Variants in PDGFRB observed in about 807,000 individuals in gnomAD.
PDGFRB encodes platelet derived growth factor receptor beta.
Under a neutral mutation model 120.2 loss-of-function variants are expected in PDGFRB, and 42 were observed. That is an observed-to-expected ratio of 0.35 (90% CI 0.27 to 0.45). The LOEUF (loss-of-function observed/expected upper bound fraction) is 0.45. Ranked by LOEUF, PDGFRB falls within the 20% of genes least tolerant of loss-of-function variation. The pLI is 1.00. For synonymous variants in PDGFRB, 586 were observed against 606.8 expected (o/e 0.97, Z 0.50); for missense variants, 1,149 against 1,476.3 (o/e 0.78, Z 3.63).
chr5:150,133,754 G>T lies in PDGFRB; in HGVS notation c.766C>A (p.Arg256=). 1.2e-6 allele frequency: 2 copies of T among 1,613,988 alleles called. No individual in the cohort carries two copies. Among genetic ancestry groups the T allele is most frequent in the Non-Finnish European group, 8.5e-7 (1 of 1,179,912 alleles). ...AAGTCAGTCACCGGCTCCACCAGCCGCCCACTCTGCAGCAACAGGTTGGGC... is the reference window on the plus strand; with the variant it reads ...AAGTCAGTCACCGGCTCCACCAGCCTCCCACTCTGCAGCAACAGGTTGGGC... ...EWTYPRKESG[R]LVEPVTDFLL... is the part of the protein sequence containing the mutation. The change falls in exon 6 of 23, where the codon CGG becomes AGG. Residue 256 remains arginine, a synonymous_variant. Coordinates refer to ENST00000261799, the MANE Select transcript of PDGFRB (RefSeq NM_002609.4).
Position 150,120,238 on chromosome 5 carries a change from A to G in PDGFRB, c.2587-115T>C, listed in dbSNP as rs1760088871. The G allele has an allele frequency of 3.0e-6, 2 of 664,370 alleles. No individual in the cohort carries two copies. The highest frequency in any genetic ancestry group is 4.3e-5 in the Admixed American group (2 of 47,018). The allele number at this position is 664,370 out of a possible 1,614,324, so 41.2% of individuals were successfully genotyped here. On this transcript the variant is annotated intron_variant, in intron 18 of 22. Coordinates refer to ENST00000261799, the MANE Select transcript of PDGFRB (RefSeq NM_002609.4). This position sits in a 1 kb window ranked among gnomAD's most constrained non-coding sequence, Gnocchi z 4.3. The stretch of plus-strand genomic sequence containing the variant: ...CCACCCACAACCACTTCTCCGTCCC[A>G]TTCCCTGTGAGGGCCCTGGTCTCTG...
chr5:150,119,559 G>T lies in PDGFRB; in HGVS notation c.2706C>A (p.Thr902=), dbSNP rs747925093. 1 of 1,605,352 alleles carries T rather than the reference G, an allele frequency of 6.2e-7. No homozygotes were observed. Among genetic ancestry groups the T allele is most frequent in the Non-Finnish European group, 8.5e-7 (1 of 1,171,944 alleles). ...LLWEIFTLGG[T]PYPELPMNEQ... The stretch of plus-strand genomic sequence containing the variant: ...CGTTCATGGGCAGCTCTGGGTAAGG[G>T]GTGCCACCTGTTGGGGAGCAGAGAC... The change falls in exon 20 of 23, where the codon ACC becomes ACA. Residue 902 remains threonine (T), a synonymous_variant. Coordinates refer to ENST00000261799, the MANE Select transcript of PDGFRB (RefSeq NM_002609.4).
intron 12 of PDGFRB, 50 bp from the exon 13 acceptor site, chr5:150,124,881 GCTCCCCCAGCTGCCCCC>G: frequency 1.2e-6 from 1 of 854,192 alleles, no homozygotes; most frequent in Non-Finnish European, 1.8e-6. Flanking sequence ...AAGCTGCACC[GCTCCCCCAGCTGCCCCC>G]CTCCCCCCAC....
Position 150,147,775 on chromosome 5 carries a change from T to C in PDGFRB, c.-7+7622A>G, listed in dbSNP as rs1232163407. On this transcript the variant is annotated intron_variant, in intron 1 of 22. Coordinates refer to ENST00000261799, the MANE Select transcript of PDGFRB (RefSeq NM_002609.4). ...ACCACCCCTCTGTGCCTCAGTTTTC[T>C]CATCTGTAGATTGGGGCTCATCACT... 2.6e-5 allele frequency among the ~76,000 whole-genome samples: 4 copies of C among 152,290 alleles called. No individual in the cohort carries two copies. In the East Asian group the frequency reaches 7.7e-4, roughly 29 times the overall value.
Position 150,129,874 on chromosome 5 carries a change from C to T in PDGFRB, c.1462G>A (p.Glu488Lys), listed in dbSNP as rs760629984. 1 of 1,614,160 alleles carries T rather than the reference C, an allele frequency of 6.2e-7. No individual in the cohort carries two copies. The highest frequency in any genetic ancestry group is 8.5e-7 in the Non-Finnish European group (1 of 1,179,976). Residue 488 changes from glutamate to lysine, a missense_variant, in exon 10 of 23, where the codon GAG (glutamate) becomes AAG (lysine). Around this residue, in one of 3 missense-constraint regions of PDGFRB, gnomAD observed 879 missense variants for 1,108.6 expected, o/e 0.79. Transcript: ENST00000261799. ...TNVTYWEEEQ[E>K]FEVVSTLRLQ... ...CGCAGTGTGCTCACCACCTCAAACT[C>T]CTGCTCCTCCTCCCAGTACGTCACG...
In PDGFRB at chr5:150,122,952, C is replaced by T. The variant is rs906944807; in HGVS notation, c.2183+90G>A. On this transcript the variant is annotated intron_variant, in intron 15 of 22. Coordinates refer to ENST00000261799, the MANE Select transcript of PDGFRB (RefSeq NM_002609.4). ...GATTCTGTCCCCTGCCCTGTCACAG[C>T]CTCAGCTTCCCCTCCTGGACAAAAG... 16 of 1,185,240 alleles carry T rather than the reference C, an allele frequency of 1.3e-5. No homozygotes were observed. In the East Asian group the frequency reaches 3.7e-4, roughly 28 times the overall value. The allele number at this position is 1,185,240 out of a possible 1,614,324, so 73.4% of individuals were successfully genotyped here. A position where few individuals can be genotyped will look rare whatever the true frequency, so the allele number is the denominator to read the frequency against.
chr5:150,142,404 G>A (rs1292091373), intron 1 of PDGFRB, among the ~76,000 whole-genome samples: 1 of 152,312 alleles, frequency 6.6e-6, no homozygotes. Flanking sequence ...TTCTCTGCAC[G>A]AGCCCAGCCA....
intron 1 of PDGFRB, among the ~76,000 whole-genome samples, chr5:150,150,506 T>C (rs565741221): frequency 6.6e-6 from 1 of 151,744 alleles, no homozygotes; most frequent in South Asian, 2.1e-4. Context: ...CTGATCTGAA[T>C]TGAGGAGAGG....
Position 150,131,278 on chromosome 5 carries a change from A to C in PDGFRB, c.1244-616T>G, listed in dbSNP as rs373519799. ...TATCCCCGTTCTGACTTCATCTCCC[A>C]CCACTCTCCCCAACAGCCCTGTTCC... On this transcript the variant is annotated intron_variant, in intron 8 of 22. Coordinates refer to ENST00000261799, the MANE Select transcript of PDGFRB (RefSeq NM_002609.4). Among the ~76,000 whole-genome samples, 5 of 151,874 alleles carry C rather than the reference A, an allele frequency of 3.3e-5. No individual in the cohort carries two copies. In the East Asian group the frequency reaches 9.7e-4, roughly 30 times the overall value.
intron 3 of PDGFRB, 103 bp downstream of exon 3, chr5:150,135,452 A>T: frequency 1.3e-6 from 1 of 767,772 alleles, no homozygotes; most frequent in Admixed American, 2.3e-5. Context: ...CTTTTCTAGG[A>T]TGGCTGCATT....
chr5:150,145,796 G>A (rs1010876962), intron 1 of PDGFRB, among the ~76,000 whole-genome samples: 1 of 152,182 alleles, frequency 6.6e-6, no homozygotes, highest in African/African-American at 2.4e-5. Flanking sequence ...AGCTTCTCGG[G>A]AGGCTGAGTC....
intron 1 of PDGFRB, among the ~76,000 whole-genome samples, chr5:150,146,655 C>T (rs1433713938): frequency 6.6e-6 from 1 of 152,180 alleles, no homozygotes; most frequent in African/African-American, 2.4e-5. Context: ...AACTCCTGGG[C>T]TCAAGTGATC....
At chr5:150,152,197 G>A (rs115912863) in intron 1 of PDGFRB, among the ~76,000 whole-genome samples, 3,105 of 152,134 alleles carry the variant, frequency 0.02, 35 homozygotes, top group Non-Finnish European at 0.026. Flanking sequence ...GTGAGCCACC[G>A]TGCCCAGCCT....
chr5:150,133,007 G>T, intron 6 of PDGFRB, 65 bp from the exon 7 acceptor site: 2 of 1,187,168 alleles, frequency 1.7e-6, no homozygotes, highest in Non-Finnish European at 2.4e-6. Context: ...CCCAAAGGAG[G>T]CCAGCCTGTG....
At chr5:150,136,939 A>G (rs1580812207) in intron 2 of PDGFRB, 69 bp downstream of exon 2, 1 of 1,201,318 alleles carries the variant, frequency 8.3e-7, no homozygotes, top group African/African-American at 1.5e-5. Flanking sequence ...AGCACACATC[A>G]CCCCTGCCAG....
At position 150,119,526 on chromosome 5, in the gene PDGFRB, G is replaced by T. The variant is rs1760065028; in HGVS notation, c.2739C>A (p.Phe913Leu). 3 of 1,613,348 alleles carry T rather than the reference G, an allele frequency of 1.9e-6. No homozygotes were observed. Among genetic ancestry groups the T allele is most frequent in the Non-Finnish European group, 2.5e-6 (3 of 1,179,260 alleles). The change falls in exon 20 of 23, where the codon TTC (phenylalanine) becomes TTA (leucine). Residue 913 changes from phenylalanine to leucine, a missense_variant. Around this residue, in one of 3 missense-constraint regions of PDGFRB, gnomAD observed 68 missense variants for 153.3 expected, o/e 0.44. Transcript: ENST00000261799. ...GGTAACCCCGTTTGATGGCATTGTAGAACTGCTCGTTCATGGGCAGCTCTG... is the reference window on the plus strand; with the variant it reads ...GGTAACCCCGTTTGATGGCATTGTATAACTGCTCGTTCATGGGCAGCTCTG... ...PYPELPMNEQ[F>L]YNAIKRGYRM...
At position 150,114,814 on chromosome 5, in the gene PDGFRB, T is replaced by A. The variant is rs1759874774; in HGVS notation, c.*949A>T. ...GAGTTAATAAGTCCGACTTATTCATTTTTTGAAGGGGAAACTGAGGCCCAG... is the reference window on the plus strand; with the variant it reads ...GAGTTAATAAGTCCGACTTATTCATATTTTGAAGGGGAAACTGAGGCCCAG... On this transcript the variant is annotated 3_prime_UTR_variant, in exon 23 of 23. Transcript: ENST00000261799. 4.3e-6 allele frequency: 1 copy of A among 233,506 alleles called. No individual in the cohort carries two copies. Among genetic ancestry groups the A allele is most frequent in the South Asian group, 1.8e-4 (1 of 5,524 alleles). 14.5% of individuals were successfully genotyped at this position (233,506 alleles called of 1,614,324 possible).
chr5:150,150,848 T>C (rs1761058616), intron 1 of PDGFRB, among the ~76,000 whole-genome samples: 1 of 152,124 alleles, frequency 6.6e-6, no homozygotes, highest in South Asian at 2.1e-4. Context: ...CTCTTGAAAT[T>C]AGAGCATATG....
chr5:150,114,479 C>T lies in PDGFRB; in HGVS notation c.*1284G>A, dbSNP rs1183985535. On this transcript the variant is annotated 3_prime_UTR_variant, in exon 23 of 23. Transcript: ENST00000261799. ...TTGTCCCTTTTGCCCAGGATACCCC[C>T]GGAGGTCATCGTGGGTAGTGAAAGA... is the stretch of plus-strand genomic sequence containing the variant. 7 of 233,252 alleles carry T rather than the reference C, an allele frequency of 3.0e-5. No homozygotes were observed. Among genetic ancestry groups the T allele is most frequent in the East Asian group, 1.2e-4 (2 of 16,588 alleles). 14.4% of individuals were successfully genotyped at this position (233,252 alleles called of 1,614,324 possible).
Sources: gnomAD v4.1 joint callset for allele counts (sites outside exome capture counted in the v4.1 genomes callset) on GRCh38, gnomAD v4.1.1 for gene constraint, gnomAD v4.1.1 regional missense constraint, Gnocchi (gnomAD v3.1) non-coding constraint, MANE v1.5 for transcripts, NCBI Gene and HGNC (gene_info 2026-07-23, HGNC 2026-07-21) for gene names.